The following CHDH variants were observed in gnomAD, a reference collection of about 807,000 sequenced individuals.
CHDH encodes the protein choline dehydrogenase, mitochondrial.
CHDH carries 43 observed loss-of-function variants against 56.9 expected under a neutral mutation model. That is an observed-to-expected ratio of 0.76 (90% CI 0.59 to 0.97). CHDH has a LOEUF of 0.97. Among genes scored for constraint, CHDH ranks in the 50% least tolerant of loss-of-function variants. The pLI, the probability that CHDH is intolerant of heterozygous loss-of-function variation, is 0.00. For synonymous variants in CHDH, 364 were observed against 348.5 expected (o/e 1.04, Z -0.50); for missense variants, 816 against 821.1 (o/e 0.99, Z 0.08).
intron 2 of CHDH, among the ~76,000 whole-genome samples, chr3:53,832,712 G>T (rs1477039405): frequency 6.6e-6 from 1 of 152,092 alleles, no homozygotes; most frequent in Non-Finnish European, 1.5e-5. Context: ...GACAAATATT[G>T]TATGATTCTA....
intron 1 of CHDH, among the ~76,000 whole-genome samples, chr3:53,842,822 C>T (rs533648973): frequency 4.6e-5 from 7 of 152,326 alleles, no homozygotes; most frequent in Admixed American, 2.6e-4. Flanking sequence ...CCAAGCTTAA[C>T]CAGCTGGAGC....
rs763464372 is a variant in CHDH at position 53,817,996 on chromosome 3, G to A, written c.1566C>T (p.Ser522=). ...PSCTCKMGQP[S]DPTAVVDPQT... ...GCGGATCCACCACGGCAGTGGGATCGGAGGGCTGGCCCATCTTACAGGTGC... is the reference window on the plus strand; with the variant it reads ...GCGGATCCACCACGGCAGTGGGATCAGAGGGCTGGCCCATCTTACAGGTGC... Residue 522 remains serine, a synonymous_variant, in exon 9 of 9, where the codon TCC becomes TCT. Transcript: ENST00000315251. The A allele has an allele frequency of 6.2e-6, 10 of 1,614,212 alleles. 1 individual carries two copies. In the South Asian group the frequency reaches 6.6e-5, roughly 11 times the overall value.
chr3:53,838,538 G>A (rs1350434422), intron 2 of CHDH, among the ~76,000 whole-genome samples: 3 of 152,334 alleles, frequency 2.0e-5, no homozygotes, highest in Admixed American at 6.5e-5. Context: ...GATAGAAGGC[G>A]CTGGTGTCCC....
chr3:53,846,334 G>A lies in CHDH; in HGVS notation c.-382C>T, dbSNP rs1433120969. On this transcript the variant is annotated 5_prime_UTR_variant, in exon 1 of 9. Coordinates refer to ENST00000315251, the MANE Select transcript of CHDH (RefSeq NM_018397.5). ...TGCACCTGGCTCACTGCATGCACGT[G>A]TGCGCGGGGGTAGGCGCGCGCCGCG... 4.5e-6 allele frequency: 2 copies of A among 444,162 alleles called. No homozygotes were observed. The highest frequency in any genetic ancestry group is 7.9e-6 in the Non-Finnish European group (2 of 254,002). 27.5% of individuals were successfully genotyped at this position (444,162 alleles called of 1,614,324 possible).
Position 53,818,061 on chromosome 3 carries a change from AG to A in CHDH, c.1500del (p.Phe501LeufsTer56). The A allele has an allele frequency of 6.2e-7, 1 of 1,614,204 alleles. No homozygotes were observed. The highest frequency in any genetic ancestry group is 8.5e-7 in the Non-Finnish European group (1 of 1,180,038). Reference protein sequence around the residue: ...SHIQSDKEIDAFVRAKADSAY... With the variant: ...SHIQSDKEIDXFVRAKADSAY... ...GCGCTGTCGGCTTTTGCCCGCACAAAGGCATCTATCTCTTTATCTGACTGAA... is the reference window on the plus strand; with the variant it reads ...GCGCTGTCGGCTTTTGCCCGCACAAAGCATCTATCTCTTTATCTGACTGAA... On this transcript the variant is annotated frameshift_variant, in exon 9 of 9. Transcript: ENST00000315251. LOFTEE classifies it high-confidence loss of function.
rs906676463 is a variant in CHDH at position 53,819,330 on chromosome 3, G to C, written c.1263+202C>G. Among the ~76,000 whole-genome samples the C allele has an allele frequency of 6.6e-6, 1 of 152,196 alleles. No individual in the cohort carries two copies. Among genetic ancestry groups the C allele is most frequent in the Non-Finnish European group, 1.5e-5 (1 of 68,032 alleles). ...TCCCATTTCTGGTGCTCGGTACCTA[G>C]CCTGCATGAAACAGTCATACCATTG... On this transcript the variant is annotated intron_variant, in intron 7 of 8. Coordinates refer to ENST00000315251, the MANE Select transcript of CHDH (RefSeq NM_018397.5). The surrounding 1 kb of genome is among the most constrained non-coding windows in gnomAD (Gnocchi z 5.4).
Position 53,846,308 on chromosome 3 carries a change from A to C in CHDH, c.-356T>G. 2.6e-6 allele frequency: 1 copy of C among 379,870 alleles called. No homozygotes were observed. Among genetic ancestry groups the C allele is most frequent in the Admixed American group, 4.7e-5 (1 of 21,062 alleles). The allele number at this position is 379,870 out of a possible 1,614,324, so 23.5% of individuals were successfully genotyped here. The stretch of plus-strand genomic sequence containing the variant: ...CGAAGCCCGAGGGCGGGTGCAGCTG[A>C]TGCACCTGGCTCACTGCATGCACGT... On this transcript the variant is annotated 5_prime_UTR_variant, in exon 1 of 9. Transcript: ENST00000315251.
rs2095619094 is a variant in CHDH at position 53,818,113 on chromosome 3, C to G, written c.1449G>C (p.Gly483=). 1.9e-6 allele frequency: 3 copies of G among 1,613,910 alleles called. No homozygotes were observed. The highest frequency in any genetic ancestry group is 2.5e-6 in the Non-Finnish European group (3 of 1,179,964). The change falls in exon 9 of 9, where the codon GGG becomes GGC. Residue 483 remains glycine, a synonymous_variant. Transcript: ENST00000315251. ...TGTGGCTTCCTGGCTGGAGCTCTTT[C>G]CCTCGGAACGGAGCCAGGGCTTCCT... is the stretch of plus-strand genomic sequence containing the variant. ...FAQEALAPFR[G]KELQPGSHIQ...
At chr3:53,826,351 T>A (rs557980091) in intron 2 of CHDH, among the ~76,000 whole-genome samples, 1 of 150,778 alleles carries the variant, frequency 6.6e-6, no homozygotes, top group East Asian at 1.9e-4. Context: ...ATATCTTTCA[T>A]GAACATAGAT....
At chr3:53,825,029 CG>C (rs2095636464) in intron 2 of CHDH, among the ~76,000 whole-genome samples, 1 of 152,196 alleles carries the variant, frequency 6.6e-6, no homozygotes, top group Admixed American at 6.5e-5. Flanking sequence ...ACAGAGGTGG[CG>C]GGGCCTCCTG....
chr3:53,819,492 G>T lies in CHDH; in HGVS notation c.1263+40C>A. The T allele has an allele frequency of 1.3e-6, 2 of 1,571,554 alleles. No individual in the cohort carries two copies. The highest frequency in any genetic ancestry group is 2.3e-5 in the East Asian group (1 of 44,136). ...GGAGCATCTTCCTTCCTGGTGGGAA[G>T]GAGACATCCTGGGAAGCCGAGGCTC... is the stretch of plus-strand genomic sequence containing the variant. On this transcript the variant is annotated intron_variant, in intron 7 of 8. Coordinates refer to ENST00000315251, the MANE Select transcript of CHDH (RefSeq NM_018397.5). The surrounding 1 kb of genome is among the most constrained non-coding windows in gnomAD (Gnocchi z 5.4).
Position 53,820,564 on chromosome 3 carries a change from G to T in CHDH, c.1030C>A (p.Gln344Lys). Reference sequence around the variant, plus strand: ...AGGGTGATAGGGCGGGTGCATGCCTGCTGAATGTAGATCTCCAGGTGGTCT... The same window carrying T: ...AGGGTGATAGGGCGGGTGCATGCCTTCTGAATGTAGATCTCCAGGTGGTCT... ...LQDHLEIYIQ[Q>K]ACTRPITLHS... Residue 344 changes from glutamine (Q) to lysine (K), a missense_variant, in exon 6 of 9, where the codon CAG becomes AAG. Physicochemically the swap from Gln to Lys is moderately conservative, Grantham distance 53. Transcript: ENST00000315251. 6.2e-7 allele frequency: 1 copy of T among 1,614,072 alleles called. No individual in the cohort carries two copies. Among genetic ancestry groups the T allele is most frequent in the South Asian group, 1.1e-5 (1 of 91,074 alleles).
In CHDH at chr3:53,820,548, G is replaced by A. The variant is rs1375224682; in HGVS notation, c.1046C>T (p.Pro349Leu). 5 of 1,614,130 alleles carry A rather than the reference G, an allele frequency of 3.1e-6. No individual in the cohort carries two copies. Among genetic ancestry groups the A allele is most frequent in the Non-Finnish European group, 4.2e-6 (5 of 1,179,996 alleles). The change falls in exon 6 of 9, where the codon CCT (proline) becomes CTT (leucine). Residue 349 changes from proline to leucine, a missense_variant. Transcript: ENST00000315251. ...EIYIQQACTRPITLHSAQKPL... is the reference protein window; with the variant it reads ...EIYIQQACTRLITLHSAQKPL... ...CTTCTGTGCTGAATGGAGGGTGATA[G>A]GGCGGGTGCATGCCTGCTGAATGTA... is the stretch of plus-strand genomic sequence containing the variant.
rs1399645238 is a variant in CHDH at position 53,823,472 on chromosome 3, C to A, written c.537G>T (p.Arg179=). ...GCAGCGGGCCATCGGCGCCCCGGTACCGGCTGGCGCCCAGCTCGTGGCCCT... is the reference window on the plus strand; with the variant it reads ...GCAGCGGGCCATCGGCGCCCCGGTAACGGCTGGCGCCCAGCTCGTGGCCCT... ...KAQGHELGAS[R]YRGADGPLRV... Residue 179 remains arginine (R), a synonymous_variant, in exon 3 of 9, where the codon CGG becomes CGT. Coordinates refer to ENST00000315251, the MANE Select transcript of CHDH (RefSeq NM_018397.5). 2 of 1,549,896 alleles carry A rather than the reference C, an allele frequency of 1.3e-6. No homozygotes were observed. Among genetic ancestry groups the A allele is most frequent in the African/African-American group, 2.7e-5 (2 of 73,066 alleles).
rs2106954388 is a variant in CHDH at position 53,817,512 on chromosome 3, C to G, written c.*265G>C. ...TTAACCATCCTCCCCTTCTGTCCCT[C>G]CAGGAGGCAGGGAGGAACATCTCAG... On this transcript the variant is annotated 3_prime_UTR_variant, in exon 9 of 9. Coordinates refer to ENST00000315251, the MANE Select transcript of CHDH (RefSeq NM_018397.5). The G allele has an allele frequency of 6.1e-6, 3 of 491,136 alleles. No homozygotes were observed. In the East Asian group the frequency reaches 1.0e-4, roughly 16 times the overall value. 30.4% of individuals were successfully genotyped at this position (491,136 alleles called of 1,614,324 possible).
At chr3:53,831,028 G>A (rs966067816) in intron 2 of CHDH, among the ~76,000 whole-genome samples, 11 of 152,198 alleles carry the variant, frequency 7.2e-5, no homozygotes, top group Admixed American at 1.3e-4. Flanking sequence ...TGGGCCAGAG[G>A]GGAGCCCACT....
rs760935287 is a variant in CHDH at position 53,823,866 on chromosome 3, G to A, written c.143C>T (p.Ala48Val). The A allele has an allele frequency of 1.6e-5, 26 of 1,591,482 alleles. No individual in the cohort carries two copies. The highest frequency in any genetic ancestry group is 4.5e-5 in the East Asian group (2 of 44,100). The change falls in exon 3 of 9, where the codon GCG becomes GTG. Residue 48 changes from alanine to valine, a missense_variant. Physicochemically the swap from Ala to Val is moderately conservative, Grantham distance 64 (BLOSUM62 0). Transcript: ENST00000315251. The stretch of plus-strand genomic sequence containing the variant: ...AGCCAGCACGCAGCCCGCCGAGCCC[G>A]CGCCCACCACCACATAGCTGTACTC... Reference protein sequence around the residue: ...RDEYSYVVVGAGSAGCVLAGR... With the variant: ...RDEYSYVVVGVGSAGCVLAGR...
chr3:53,822,884 C>G (rs1206922195), intron 3 of CHDH, among the ~76,000 whole-genome samples: 1 of 152,172 alleles, frequency 6.6e-6, no homozygotes, highest in Non-Finnish European at 1.5e-5. Context: ...GACACAGAGA[C>G]CAGGAGCACA....
chr3:53,843,188 C>CCCTTT (rs578127745), intron 1 of CHDH, among the ~76,000 whole-genome samples: 1 of 125,186 alleles, frequency 8.0e-6, no homozygotes, highest in South Asian at 2.6e-4. Context: ...CCCCCCCCAC[C>CCCTTT]TTTTTTTTTT....
Sources: allele counts gnomAD v4.1 joint callset (sites outside exome capture counted in the v4.1 genomes callset), GRCh38; gene constraint gnomAD v4.1.1; non-coding constraint Gnocchi (gnomAD v3.1); transcripts MANE v1.5; gene names NCBI Gene and HGNC (gene_info 2026-07-23, HGNC 2026-07-21).